TBCD: variants seen among roughly 807,000 people sequenced by gnomAD.
TBCD encodes tubulin-specific chaperone D.
A neutral mutation model predicts 169.3 loss-of-function variants in TBCD; 105 were observed. That is an observed-to-expected ratio of 0.62 (90% CI 0.53 to 0.73). The LOEUF is 0.73. Among genes scored for constraint, TBCD ranks in the 30% least tolerant of loss-of-function variants. The pLI is 0.00. For synonymous variants in TBCD, 700 were observed against 643.9 expected (o/e 1.09, Z -1.32); for missense variants, 1,444 against 1,600.1 (o/e 0.90, Z 1.66).
At chr17:82,911,514 G>T (rs752653488) in intron 22 of TBCD, among the ~76,000 whole-genome samples, 1 of 152,228 alleles carries the variant, frequency 6.6e-6, no homozygotes, top group Non-Finnish European at 1.5e-5. Context: ...TACCAGTCAG[G>T]ACTAGAATGT....
Position 82,923,765 on chromosome 17 carries a change from AG to A in TBCD, c.2260+36del, listed in dbSNP as rs2061557180. Reference sequence around the variant, plus strand: ...GGGGAGCCCTTTTCTTGAAGACTCCAGGGGCTTCCAGCAGGAAGCTGCTGGG... The same window carrying A: ...GGGGAGCCCTTTTCTTGAAGACTCCAGGGCTTCCAGCAGGAAGCTGCTGGG... On this transcript the variant is annotated intron_variant, in intron 26 of 38. Coordinates refer to ENST00000355528, the MANE Select transcript of TBCD (RefSeq NM_005993.5). The surrounding 1 kb of genome is among the most constrained non-coding windows in gnomAD (Gnocchi z 4.6). 5.8e-6 allele frequency: 9 copies of A among 1,547,114 alleles called. No individual in the cohort carries two copies. The highest frequency in any genetic ancestry group is 7.9e-6 in the Non-Finnish European group (9 of 1,142,636).
rs1337876146 is a variant in TBCD, at chr17:82,809,645, T to G, written c.1149-63T>G. 4 of 1,544,650 alleles carry G rather than the reference T, an allele frequency of 2.6e-6. No homozygotes were observed. In the African/African-American group the frequency reaches 5.4e-5, roughly 21 times the overall value. ...TGGGTGTTCAGGCCATTCACACGTG[T>G]CACGCATGCCCTTGGCGACAGGCTG... is the stretch of plus-strand genomic sequence containing the variant. On this transcript the variant is annotated intron_variant, in intron 11 of 38. Transcript: ENST00000355528.
chr17:82,852,776 G>A (rs2055904500), intron 13 of TBCD, among the ~76,000 whole-genome samples: 2 of 152,230 alleles, frequency 1.3e-5, no homozygotes, highest in African/African-American at 4.8e-5. Flanking sequence ...TCTGTCAGTT[G>A]GTAGACGTTT....
chr17:82,936,118 G>A (rs887516974), intron 34 of TBCD, among the ~76,000 whole-genome samples: 3 of 152,138 alleles, frequency 2.0e-5, no homozygotes, highest in African/African-American at 7.2e-5. Context: ...CTCCTTCCCT[G>A]GTTTTTCTGT....
At position 82,908,828 on chromosome 17, in the gene TBCD, T is replaced by C. The variant is rs895565183; in HGVS notation, c.1984-457T>C. Among the ~76,000 whole-genome samples, 7 of 152,360 alleles carry C rather than the reference T, an allele frequency of 4.6e-5. No homozygotes were observed. The East Asian group carries it at 1.3e-3, about 29-fold the overall frequency. On this transcript the variant is annotated intron_variant, in intron 21 of 38. Coordinates refer to ENST00000355528, the MANE Select transcript of TBCD (RefSeq NM_005993.5). Reference sequence around the variant, plus strand: ...TTTTGTGAGAATTAAAGAATACATTTTAAAGAATTGAGGAGAATTTTTGGG... The same window carrying C: ...TTTTGTGAGAATTAAAGAATACATTCTAAAGAATTGAGGAGAATTTTTGGG...
chr17:82,816,844 T>G (rs547807774), intron 13 of TBCD, among the ~76,000 whole-genome samples: 82 of 125,272 alleles, frequency 6.5e-4, no homozygotes, highest in African/African-American at 1.9e-3. Flanking sequence ...GCCCCCTGCT[T>G]CTTTAAAAAA....
chr17:82,771,903 G>T (rs976381400), intron 5 of TBCD, among the ~76,000 whole-genome samples: 1 of 149,498 alleles, frequency 6.7e-6, no homozygotes, highest in Non-Finnish European at 1.5e-5. Flanking sequence ...CAGCCTGGGC[G>T]ACAGAGCAAG....
chr17:82,899,208 T>TGCGTCCTCAGC (rs1256505278), intron 17 of TBCD, among the ~76,000 whole-genome samples: 6 of 138,414 alleles, frequency 4.3e-5, no homozygotes, highest in African/African-American at 1.6e-4. Context: ...GTGTCCGCAG[T>TGCGTCCTCAGC]GCGTCCTCAG....
intron 13 of TBCD, among the ~76,000 whole-genome samples, chr17:82,863,728 G>A (rs987452927): frequency 3.9e-5 from 6 of 152,206 alleles, no homozygotes; most frequent in African/African-American, 1.4e-4. Flanking sequence ...TCCTCGGGAA[G>A]CAGCAGTTGG....
intron 6 of TBCD, among the ~76,000 whole-genome samples, chr17:82,781,223 G>T (rs917833364): frequency 6.6e-6 from 1 of 151,244 alleles, no homozygotes; most frequent in South Asian, 2.1e-4. Flanking sequence ...GGGATGCAGA[G>T]TTGGGTCCAG....
intron 13 of TBCD, among the ~76,000 whole-genome samples, chr17:82,854,226 G>C (rs1335606130): frequency 6.6e-6 from 1 of 152,206 alleles, no homozygotes; most frequent in African/African-American, 2.4e-5. Flanking sequence ...TGAATGCTGA[G>C]TTGACACTCT....
At chr17:82,897,171 G>A (rs1021025059) in intron 17 of TBCD, among the ~76,000 whole-genome samples, 7 of 151,898 alleles carry the variant, frequency 4.6e-5, no homozygotes, top group African/African-American at 1.7e-4. Flanking sequence ...CTCCTGCTCC[G>A]TGGCTTTCCC....
At chr17:82,781,761 A>G in intron 7 of TBCD, 40 bp downstream of exon 7, 1 of 1,595,406 alleles carries the variant, frequency 6.3e-7, no homozygotes, top group East Asian at 2.3e-5. Flanking sequence ...TCGCAGGGAA[A>G]TGGCGCCTTA....
intron 13 of TBCD, among the ~76,000 whole-genome samples, chr17:82,845,845 C>T (rs1397025852): frequency 6.6e-6 from 1 of 152,236 alleles, no homozygotes; most frequent in Non-Finnish European, 1.5e-5. Flanking sequence ...GGCGTCACAT[C>T]TTGGATCTTC....
intron 13 of TBCD, among the ~76,000 whole-genome samples, chr17:82,823,007 A>G (rs766762737): frequency 6.6e-6 from 1 of 152,184 alleles, no homozygotes; most frequent in Non-Finnish European, 1.5e-5. Context: ...TTCAGAAGGG[A>G]TATTTTATAG....
At chr17:82,914,725 G>A (rs2060904955) in intron 23 of TBCD, among the ~76,000 whole-genome samples, 1 of 149,554 alleles carries the variant, frequency 6.7e-6, no homozygotes, top group East Asian at 1.9e-4. Flanking sequence ...GGCCTTTGCT[G>A]GCCCCAGGAG....
At chr17:82,781,967 G>T (rs1055971245) in intron 7 of TBCD, among the ~76,000 whole-genome samples, 6 of 152,228 alleles carry the variant, frequency 3.9e-5, no homozygotes, top group African/African-American at 1.4e-4. Flanking sequence ...GCAGAGGGCA[G>T]TGGTGCCACG....
intron 12 of TBCD, among the ~76,000 whole-genome samples, chr17:82,813,955 A>G (rs949203286): frequency 1.3e-5 from 2 of 152,214 alleles, no homozygotes; most frequent in Non-Finnish European, 1.5e-5. Context: ...ATTCTTGTCC[A>G]TACTGATTGC....
At chr17:82,926,024 G>A (rs1435492159) in intron 27 of TBCD, among the ~76,000 whole-genome samples, 3 of 3,474 alleles carry the variant, frequency 8.6e-4, no homozygotes, top group African/African-American at 1.7e-3. Context: ...ACTGGGGGCC[G>A]TGGAGAGGCT....
Sources: gnomAD v4.1 joint callset for allele counts (sites outside exome capture counted in the v4.1 genomes callset) on GRCh38, gnomAD v4.1.1 for gene constraint, Gnocchi (gnomAD v3.1) non-coding constraint, MANE v1.5 for transcripts, NCBI Gene and HGNC (gene_info 2026-07-23, HGNC 2026-07-21) for gene names.